BRD2: variants seen among roughly 807,000 people sequenced by gnomAD.
BRD2 encodes bromodomain-containing protein 2.
Under a neutral mutation model 79.1 loss-of-function variants are expected in BRD2, and 15 were observed. The observed-to-expected ratio is 0.19, with a 90% CI of 0.13 to 0.29. BRD2 has a LOEUF of 0.29. BRD2 is among the 10% of genes least tolerant of loss of function. The pLI is 1.00. For missense variants in BRD2, 1,053 were observed against 991.3 expected (o/e 1.06, Z -0.84); for synonymous variants, 488 against 358.6 (o/e 1.36, Z -4.08).
In BRD2 at chr6:32,971,969, GTGAC is replaced by G; in HGVS notation, c.-925_-922del. Reference sequence around the variant, plus strand: ...GGTCTCTGCGGCACTCTTCTGCCTGGTGACTGACACCTTGGAAATGAAGTTTATG... The same window carrying G: ...GGTCTCTGCGGCACTCTTCTGCCTGGTGACACCTTGGAAATGAAGTTTATG... On this transcript the variant is annotated 5_prime_UTR_variant, in exon 2 of 13. An upstream open reading frame in the 5' UTR loses its in-frame stop. Transcript: ENST00000374825. 1.4e-6 allele frequency: 1 copy of G among 702,944 alleles called. No individual in the cohort carries two copies. The highest frequency in any genetic ancestry group is 2.6e-6 in the Non-Finnish European group (1 of 384,984). The allele number at this position is 702,944 out of a possible 1,614,324, so 43.5% of individuals were successfully genotyped here.
At position 32,971,619 on chromosome 6, in the gene BRD2, G is replaced by A. The variant is rs199600996; in HGVS notation, c.-1280G>A. Reference sequence around the variant, plus strand: ...GATTCTTCGCTGCTGCTGCCTTACCGCCGAGAACCACCACCCGCCAGGCGT... The same window carrying A: ...GATTCTTCGCTGCTGCTGCCTTACCACCGAGAACCACCACCCGCCAGGCGT... On this transcript the variant is annotated 5_prime_UTR_variant, in exon 2 of 13. Coordinates refer to ENST00000374825, the MANE Select transcript of BRD2 (RefSeq NM_005104.4). 44 of 446,546 alleles carry A rather than the reference G, an allele frequency of 9.9e-5. No individual in the cohort carries two copies. The highest frequency in any genetic ancestry group is 3.9e-4 in the East Asian group (11 of 28,406). 27.7% of individuals were successfully genotyped at this position (446,546 alleles called of 1,614,324 possible).
chr6:32,971,082 G>GT (rs1261182800), intron 1 of BRD2: 1 of 151,870 alleles, frequency 6.6e-6, no homozygotes, highest in Non-Finnish European at 1.5e-5. Flanking sequence ...GATGTGGCGT[G>GT]TGGGGGGAAA....
intron 2 of BRD2, chr6:32,973,270 G>A (rs1778278254): frequency 1.7e-5 from 17 of 999,520 alleles, no homozygotes; most frequent in Middle Eastern, 2.4e-4. Context: ...CGGTCTGTTA[G>A]CCTTTTAGGG....
chr6:32,980,130 A>T lies in BRD2; in HGVS notation c.2144A>T (p.Tyr715Phe). The T allele has an allele frequency of 6.2e-7, 1 of 1,610,756 alleles. No individual in the cohort carries two copies. The part of the protein sequence containing the change: ...SCLRKKPRKP[Y>F]TIKKPVGKTK... Reference sequence around the variant, plus strand: ...CTACGTAAGAAACCCCGGAAGCCCTACAGTACGTATGAAATGAGGTTCATC... The same window carrying T: ...CTACGTAAGAAACCCCGGAAGCCCTTCAGTACGTATGAAATGAGGTTCATC... Residue 715 changes from tyrosine (Y) to phenylalanine (F), a missense_variant and splice_region_variant, in exon 11 of 13, where the codon TAC (tyrosine) becomes TTC (phenylalanine). Transcript: ENST00000374825.
In BRD2 at chr6:32,978,343, C is replaced by G. The variant is rs1260911083; in HGVS notation, c.1796C>G (p.Ala599Gly). ...AGTGGCAGTGGGGGTGGCAGTGCTGCTTTAGGCCCTTCTGGCTTTGGACCT... is the reference window on the plus strand; with the variant it reads ...AGTGGCAGTGGGGGTGGCAGTGCTGGTTTAGGCCCTTCTGGCTTTGGACCT... ...KASGSGGGSA[A>G]LGPSGFGPSG... Residue 599 changes from alanine to glycine, a missense_variant, in exon 10 of 13, where the codon GCT becomes GGT. Ala to Gly is a moderately conservative substitution (Grantham distance 60). This residue lies in a region of BRD2 where 454 missense variants were observed against 430.5 expected (regional missense o/e 1.05). Transcript: ENST00000374825. 1 of 1,613,034 alleles carries G rather than the reference C, an allele frequency of 6.2e-7. No homozygotes were observed. Among genetic ancestry groups the G allele is most frequent in the African/African-American group, 1.3e-5 (1 of 75,052 alleles).
chr6:32,974,970 T>G (rs1373898067), intron 3 of BRD2: 2 of 1,465,234 alleles, frequency 1.4e-6, no homozygotes. Context: ...TCTTTCCTTG[T>G]GCCCTCCATG....
intron 1 of BRD2, 189 bp downstream of exon 1, chr6:32,969,245 A>C: frequency 1.6e-6 from 1 of 617,350 alleles, no homozygotes. Context: ...GGGGGAGGGG[A>C]ATGGCCAGCC....
Position 32,968,978 on chromosome 6 carries a change from G to C in BRD2, c.-1383G>C. 1 of 249,134 alleles carries C rather than the reference G, an allele frequency of 4.0e-6. No homozygotes were observed. Among genetic ancestry groups the C allele is most frequent in the Non-Finnish European group, 7.7e-6 (1 of 129,208 alleles). The allele number at this position is 249,134 out of a possible 1,614,324, so 15.4% of individuals were successfully genotyped here. ...CAGCACGGCTTCGTTTTCTGGGGGG[G>C]GGTTGACACCCCGGATTACATACCC... On this transcript the variant is annotated 5_prime_UTR_variant, in exon 1 of 13. Transcript: ENST00000374825.
At chr6:32,978,552 A>C in intron 10 of BRD2, 164 bp downstream of exon 10, 2 of 1,120,470 alleles carry the variant, frequency 1.8e-6, no homozygotes, top group Non-Finnish European at 2.5e-6. Flanking sequence ...TTCGTGGAAG[A>C]CAGATTTTAC....
Position 32,974,511 on chromosome 6 carries a change from G to T in BRD2, c.79G>T (p.Ala27Ser). Residue 27 changes from alanine (A) to serine (S), a missense_variant, in exon 3 of 13, where the codon GCA (alanine) becomes TCA (serine). Around this residue, in one of 5 missense-constraint regions of BRD2, gnomAD observed 413 missense variants for 335.1 expected, o/e 1.23. Transcript: ENST00000374825. Reference sequence around the variant, plus strand: ...GTTGCTGGGGCTGGGCCCAGAAGCAGCAGCACCAGGGAAGAGGATTCGAAA... The same window carrying T: ...GTTGCTGGGGCTGGGCCCAGAAGCATCAGCACCAGGGAAGAGGATTCGAAA... Reference protein sequence around the residue: ...AGLLGLGPEAAAPGKRIRKPS... With the variant: ...AGLLGLGPEASAPGKRIRKPS... 6.2e-7 allele frequency: 1 copy of T among 1,613,958 alleles called. No homozygotes were observed. Among genetic ancestry groups the T allele is most frequent in the Non-Finnish European group, 8.5e-7 (1 of 1,179,816 alleles).
chr6:32,980,123 A>G lies in BRD2; in HGVS notation c.2137A>G (p.Lys713Glu), dbSNP rs751016040. 1 of 1,611,816 alleles carries G rather than the reference A, an allele frequency of 6.2e-7. No homozygotes were observed. The highest frequency in any genetic ancestry group is 1.3e-5 in the African/African-American group (1 of 74,984). ...TTCCTGCCTACGTAAGAAACCCCGG[A>G]AGCCCTACAGTACGTATGAAATGAG... The part of the protein sequence containing the change: ...VLSCLRKKPR[K>E]PYTIKKPVGK... Residue 713 changes from lysine to glutamate, a missense_variant, in exon 11 of 13, where the codon AAG (lysine) becomes GAG (glutamate). Transcript: ENST00000374825.
intron 2 of BRD2, chr6:32,973,165 C>A (rs558309791): frequency 1.3e-6 from 2 of 1,542,940 alleles, no homozygotes; most frequent in Non-Finnish European, 1.8e-6. Context: ...CCGCCGTGGC[C>A]CAGTCTTAAC....
rs1056061593 is a variant in BRD2 at position 32,980,400 on chromosome 6, A to G, written c.2205A>G (p.Glu735=). The change falls in exon 12 of 13, where the codon GAA becomes GAG. Residue 735 remains glutamate (E), a synonymous_variant. Transcript: ENST00000374825. ...AACTGGCTTTGGAGAAAAAGCGGGA[A>G]TTAGAAAAGCGGTTACAAGATGTCA... The part of the protein sequence containing the change: ...KEELALEKKR[E]LEKRLQDVSG... The G allele has an allele frequency of 3.7e-6, 6 of 1,612,992 alleles. No individual in the cohort carries two copies. The African/African-American group carries it at 6.7e-5, about 18-fold the overall frequency.
chr6:32,975,032 G>A (rs1162667905), intron 3 of BRD2: 2 of 1,525,784 alleles, frequency 1.3e-6, no homozygotes, highest in Non-Finnish European at 1.8e-6. Context: ...TTCCCACCTC[G>A]GGTTGGGAGA....
In BRD2 at chr6:32,980,292, TAAG is replaced by T. The variant is rs765752883; in HGVS notation, c.2147-48_2147-46del. 2.4e-5 allele frequency: 39 copies of T among 1,605,206 alleles called. No individual in the cohort carries two copies. The Middle Eastern group carries it at 6.6e-4, about 27-fold the overall frequency. The stretch of plus-strand genomic sequence containing the variant: ...ACTTGGGAACCTTAGGGGCCCATAA[TAAG>T]ATGCTTGGGGCAATCTTAATGTATC... On this transcript the variant is annotated intron_variant, in intron 11 of 12. Transcript: ENST00000374825.
In BRD2 at chr6:32,972,847, G is replaced by C. The variant is rs1251598141; in HGVS notation, c.-52G>C. Reference sequence around the variant, plus strand: ...TGGACCGGGCGGTGAGGGGAACCGAGGCCACCCGGACTTTCCGCGGCTGAG... The same window carrying C: ...TGGACCGGGCGGTGAGGGGAACCGACGCCACCCGGACTTTCCGCGGCTGAG... On this transcript the variant is annotated 5_prime_UTR_variant, in exon 2 of 13. Coordinates refer to ENST00000374825, the MANE Select transcript of BRD2 (RefSeq NM_005104.4). 1.2e-6 allele frequency: 2 copies of C among 1,613,418 alleles called. No individual in the cohort carries two copies. Among genetic ancestry groups the C allele is most frequent in the Non-Finnish European group, 1.7e-6 (2 of 1,179,946 alleles).
chr6:32,971,892 C>T lies in BRD2; in HGVS notation c.-1007C>T. The stretch of plus-strand genomic sequence containing the variant: ...ACCCTCTTTCCCTGGAGTCGGCGGA[C>T]CACAGCTCAGCCAATTGGCTTGGAG... On this transcript the variant is annotated 5_prime_UTR_variant, in exon 2 of 13. Transcript: ENST00000374825. The T allele has an allele frequency of 1.4e-6, 1 of 702,766 alleles. No homozygotes were observed. Among genetic ancestry groups the T allele is most frequent in the South Asian group, 1.5e-5 (1 of 67,582 alleles). The allele number at this position is 702,766 out of a possible 1,614,324, so 43.5% of individuals were successfully genotyped here. A position where few individuals can be genotyped will look rare whatever the true frequency, so the allele number is the denominator to read the frequency against.
intron 1 of BRD2, chr6:32,970,395 G>A (rs2127497070): frequency 6.6e-6 from 1 of 152,562 alleles, no homozygotes; most frequent in East Asian, 1.9e-4. Context: ...GGGGTCAGAA[G>A]ACAGGAGATT....
chr6:32,969,286 G>A (rs1485653727), intron 1 of BRD2: 7 of 711,568 alleles, frequency 9.8e-6, no homozygotes, highest in Admixed American at 4.0e-5. Context: ...GAGGGCAAAG[G>A]GGTTAGGGGG....
Sources: allele counts gnomAD v4.1 joint callset, GRCh38; gene constraint gnomAD v4.1.1; regional missense constraint gnomAD v4.1.1; transcripts MANE v1.5; gene names NCBI Gene and HGNC (gene_info 2026-07-23, HGNC 2026-07-21).